Variants in GCH1 observed in about 807,000 individuals in gnomAD.
GCH1 encodes the protein GTP cyclohydrolase I.
In GCH1, 5 loss-of-function variants were observed where a neutral mutation model predicts 25.9. That is an observed-to-expected ratio of 0.19 (90% CI 0.10 to 0.41). The LOEUF is 0.41. Among genes scored for constraint, GCH1 ranks in the 10% least tolerant of loss-of-function variants. The pLI is 1.00. For synonymous variants in GCH1, 159 were observed against 129.6 expected (o/e 1.23, Z -1.54); for missense variants, 261 against 336.5 (o/e 0.78, Z 1.75).
chr14:54,902,308 C>A lies in GCH1; in HGVS notation c.343+13G>T, dbSNP rs1180658057. Reference sequence around the variant, plus strand: ...GCCGCCCGCACGCTCTAGCAGCCCGCGGGCGCACTGACCTGAGATGGTCTC... The same window carrying A: ...GCCGCCCGCACGCTCTAGCAGCCCGAGGGCGCACTGACCTGAGATGGTCTC... On this transcript the variant is annotated intron_variant, in intron 1 of 5. Coordinates refer to ENST00000491895, the MANE Select transcript of GCH1 (RefSeq NM_000161.3). 5 of 1,610,990 alleles carry A rather than the reference C, an allele frequency of 3.1e-6. No individual in the cohort carries two copies. The highest frequency in any genetic ancestry group is 1.7e-5 in the Admixed American group (1 of 59,858).
At chr14:54,901,134 G>A (rs1266645862) in intron 1 of GCH1, among the ~76,000 whole-genome samples, 2 of 152,064 alleles carry the variant, frequency 1.3e-5, no homozygotes, top group Admixed American at 1.3e-4. Context: ...TGGAAGACTG[G>A]GCAAAAAATA....
intron 1 of GCH1, among the ~76,000 whole-genome samples, chr14:54,865,997 A>C (rs1346355085): frequency 2.6e-5 from 4 of 152,142 alleles, no homozygotes; most frequent in Non-Finnish European, 5.9e-5. Context: ...TTGCCTTCCT[A>C]AGGAAATAAA....
At chr14:54,881,543 A>G (rs2040272498) in intron 1 of GCH1, among the ~76,000 whole-genome samples, 1 of 152,218 alleles carries the variant, frequency 6.6e-6, no homozygotes, top group African/African-American at 2.4e-5. Flanking sequence ...TGTACTTACC[A>G]AGACAGAATT....
intron 2 of GCH1, among the ~76,000 whole-genome samples, chr14:54,864,705 G>C (rs540005420): frequency 9.2e-5 from 14 of 152,194 alleles, no homozygotes; most frequent in African/African-American, 3.4e-4. Context: ...TTCTGGATTT[G>C]TTCCATTCAG....
chr14:54,900,278 C>A (rs1192744379), intron 1 of GCH1, among the ~76,000 whole-genome samples: 1 of 151,922 alleles, frequency 6.6e-6, no homozygotes, highest in Admixed American at 6.6e-5. Context: ...GGTGCAATCT[C>A]GGCTCACTGC....
In GCH1 at chr14:54,902,766, C is replaced by A. The variant is rs996436906; in HGVS notation, c.-103G>T. The A allele has an allele frequency of 3.7e-6, 5 of 1,350,166 alleles. No individual in the cohort carries two copies. The African/African-American group carries it at 7.7e-5, about 21-fold the overall frequency. The allele number at this position is 1,350,166 out of a possible 1,614,324, so 83.6% of individuals were successfully genotyped here. A position where few individuals can be genotyped will look rare whatever the true frequency, so the allele number is the denominator to read the frequency against. On this transcript the variant is annotated 5_prime_UTR_variant, in exon 1 of 6. Transcript: ENST00000491895. ...GCGGACAATGGGCTGTGGCCGGAGT[C>A]ACCTGAGGAAGGTACGCAACCTGCT...
At chr14:54,894,456 T>C (rs1237239920) in intron 1 of GCH1, among the ~76,000 whole-genome samples, 3 of 152,122 alleles carry the variant, frequency 2.0e-5, no homozygotes, top group African/African-American at 7.2e-5. Flanking sequence ...TTTGGAACTT[T>C]AGTCTCTAGA....
At chr14:54,889,608 G>A (rs2040398876) in intron 1 of GCH1, among the ~76,000 whole-genome samples, 1 of 152,166 alleles carries the variant, frequency 6.6e-6, no homozygotes, top group African/African-American at 2.4e-5. Context: ...CTGGCTGCTT[G>A]TTCACAGAAG....
intron 3 of GCH1, 75 bp downstream of exon 3, chr14:54,859,606 G>C: frequency 1.2e-6 from 1 of 844,324 alleles, no homozygotes; most frequent in Non-Finnish European, 2.1e-6. Context: ...GAGAAAGCCT[G>C]ATGAGATAGA....
At chr14:54,879,488 G>C (rs1257078173) in intron 1 of GCH1, among the ~76,000 whole-genome samples, 5 of 149,110 alleles carry the variant, frequency 3.4e-5, no homozygotes, top group Non-Finnish European at 1.5e-5. Context: ...ATAGAGAAGA[G>C]TGAATCAGAA....
At chr14:54,873,923 G>A (rs953790341) in intron 1 of GCH1, among the ~76,000 whole-genome samples, 3 of 152,176 alleles carry the variant, frequency 2.0e-5, no homozygotes, top group East Asian at 1.9e-4. Context: ...ATATAAGGAG[G>A]AGCTGGTACC....
intron 1 of GCH1, among the ~76,000 whole-genome samples, chr14:54,887,708 C>T (rs1324100967): frequency 6.6e-6 from 1 of 152,046 alleles, no homozygotes; most frequent in East Asian, 1.9e-4. Flanking sequence ...AAGAAAAACG[C>T]TTTTTAGGGT....
intron 1 of GCH1, among the ~76,000 whole-genome samples, chr14:54,866,470 AAACTGTACTGATACCTAGACAGCTTGGC>A (rs1337528467): frequency 6.6e-6 from 1 of 151,934 alleles, no homozygotes; most frequent in Non-Finnish European, 1.5e-5. Context: ...ACATAGAAAA[AAACTGTACTGATACCTAGACAGCTTGGC>A]AGACTAGATA....
intron 1 of GCH1, among the ~76,000 whole-genome samples, chr14:54,890,009 C>A (rs575781944): frequency 2.6e-4 from 40 of 152,264 alleles, no homozygotes; most frequent in Non-Finnish European, 4.9e-4. Flanking sequence ...AAAACTTATT[C>A]AATTTTAGAA....
intron 1 of GCH1, among the ~76,000 whole-genome samples, chr14:54,874,863 C>T (rs1014826258): frequency 6.6e-6 from 1 of 152,188 alleles, no homozygotes; most frequent in Non-Finnish European, 1.5e-5. Context: ...AATGGAAGAA[C>T]ATTCCATGCT....
At chr14:54,850,422 C>G (rs1420772485) in intron 3 of GCH1, among the ~76,000 whole-genome samples, 1 of 151,040 alleles carries the variant, frequency 6.6e-6, no homozygotes, top group Non-Finnish European at 1.5e-5. Context: ...AAGCATTTCT[C>G]CTGCCTCAGC....
Position 54,842,628 on chromosome 14 carries a change from G to A in GCH1, c.*1389C>T. 1 of 173,718 alleles carries A rather than the reference G, an allele frequency of 5.8e-6. No homozygotes were observed. The highest frequency in any genetic ancestry group is 1.2e-5 in the Non-Finnish European group (1 of 82,458). The allele number at this position is 173,718 out of a possible 1,614,324, so 10.8% of individuals were successfully genotyped here. A position where few individuals can be genotyped will look rare whatever the true frequency, so the allele number is the denominator to read the frequency against. ...ACCCAAATAGCATCAAAGTGGCAGA[G>A]ATGGGACTAAAGTTAAAGCAAGCAT... On this transcript the variant is annotated 3_prime_UTR_variant, in exon 6 of 6. Coordinates refer to ENST00000491895, the MANE Select transcript of GCH1 (RefSeq NM_000161.3).
chr14:54,860,785 C>G (rs1405450596), intron 2 of GCH1, among the ~76,000 whole-genome samples: 1 of 152,094 alleles, frequency 6.6e-6, no homozygotes, highest in African/African-American at 2.4e-5. Context: ...GTGATCTGCC[C>G]GCCTCGGCCT....
intron 3 of GCH1, among the ~76,000 whole-genome samples, chr14:54,847,646 A>G (rs2039663076): frequency 6.7e-6 from 1 of 149,528 alleles, no homozygotes; most frequent in Non-Finnish European, 1.5e-5. Flanking sequence ...CATGTAAGTC[A>G]ATACTTAATA....
Sources: allele counts gnomAD v4.1 joint callset (sites outside exome capture counted in the v4.1 genomes callset), GRCh38; gene constraint gnomAD v4.1.1; transcripts MANE v1.5; gene names NCBI Gene and HGNC (gene_info 2026-07-23, HGNC 2026-07-21).